LRBA: variants seen among roughly 807,000 people sequenced by gnomAD.
LRBA encodes the protein lipopolysaccharide-responsive and beige-like anchor protein.
Under a neutral mutation model 330.0 loss-of-function variants are expected in LRBA, and 176 were observed. That is an observed-to-expected ratio of 0.53 (90% CI 0.47 to 0.60). LRBA has a LOEUF of 0.60. LRBA is among the 20% of genes least tolerant of loss of function. The probability of loss-of-function intolerance (pLI) is 0.00; values close to 1 mark genes in which losing one functional copy is unlikely to be tolerated. For synonymous variants in LRBA, 1,230 were observed against 1,193.0 expected, an observed-to-expected ratio of 1.03 and a Z score of -0.64; for missense variants, 3,259 against 3,444.8, an observed-to-expected ratio of 0.95 and a Z score of 1.35.
At chr4:150,393,100 C>G (rs961349516) in intron 47 of LRBA, among the ~76,000 whole-genome samples, 1 of 152,102 alleles carries the variant, frequency 6.6e-6, no homozygotes, top group Non-Finnish European at 1.5e-5. Flanking sequence ...TCTTAAGTAT[C>G]CTCATTCTCT....
intron 2 of LRBA, among the ~76,000 whole-genome samples, chr4:150,970,386 G>A (rs1739394819): frequency 6.6e-6 from 1 of 151,670 alleles, no homozygotes; most frequent in Middle Eastern, 3.2e-3. Flanking sequence ...TGTAGTCCCA[G>A]CTACTTGGGA....
intron 30 of LRBA, among the ~76,000 whole-genome samples, chr4:150,822,127 C>A (rs1373329497): frequency 6.6e-6 from 1 of 152,044 alleles, no homozygotes; most frequent in Non-Finnish European, 1.5e-5. Flanking sequence ...AGTTTCCTTG[C>A]CATCAGAGAC....
intron 48 of LRBA, among the ~76,000 whole-genome samples, chr4:150,340,038 GGCATCCTCCTTC>G (rs1735300515): frequency 6.6e-6 from 1 of 151,780 alleles, no homozygotes; most frequent in African/African-American, 2.4e-5. Flanking sequence ...TTTTATAACG[GGCATCCTCCTTC>G]GCTCAGCTCT....
At chr4:150,541,856 A>AT (rs1174703524) in intron 40 of LRBA, among the ~76,000 whole-genome samples, 118 of 151,296 alleles carry the variant, frequency 7.8e-4, no homozygotes, top group Admixed American at 5.1e-3. Context: ...TTTAAAAAAA[A>AT]TTTTTTTTTG....
chr4:150,963,220 C>T (rs1293705985), intron 2 of LRBA, among the ~76,000 whole-genome samples: 2 of 148,720 alleles, frequency 1.3e-5, no homozygotes, highest in East Asian at 3.9e-4. Flanking sequence ...TTTGCACGGT[C>T]TCCCTCTGAT....
At chr4:150,864,644 C>CTT (rs34280757) in intron 22 of LRBA, among the ~76,000 whole-genome samples, 6,069 of 118,352 alleles carry the variant, frequency 0.051, 818 homozygotes, top group African/African-American at 0.17. Context: ...GGCCCACGTT[C>CTT]TTTTTTTTTT....
chr4:150,829,209 T>C (rs541249428), intron 29 of LRBA, among the ~76,000 whole-genome samples: 6 of 152,262 alleles, frequency 3.9e-5, no homozygotes, highest in East Asian at 1.9e-4. Context: ...GTGCTAGGAT[T>C]ATAGGCATGC....
At chr4:150,511,297 C>T (rs1171251513) in intron 40 of LRBA, among the ~76,000 whole-genome samples, 1 of 152,186 alleles carries the variant, frequency 6.6e-6, no homozygotes, top group Non-Finnish European at 1.5e-5. Context: ...ATGCTAAATA[C>T]TACATCTCAC....
chr4:150,310,649 T>A (rs1730940044), intron 51 of LRBA: 1 of 311,348 alleles, frequency 3.2e-6, no homozygotes, highest in Non-Finnish European at 5.9e-6. Context: ...TCACAGAACA[T>A]GCTTTCTAGC....
chr4:150,541,233 A>C lies in LRBA; in HGVS notation c.6330+46815T>G, dbSNP rs565750823. On this transcript the variant is annotated intron_variant, in intron 40 of 56. Transcript: ENST00000651943. ...AGGGAAAGGAGAAGGATAAAGACCA[A>C]AGAGCATGACTGAGCTGAGTCAGCT... Among the ~76,000 whole-genome samples, 5 of 152,300 alleles carry C rather than the reference A, an allele frequency of 3.3e-5. No homozygotes were observed. The South Asian group carries it at 6.2e-4, about 19-fold the overall frequency.
chr4:150,551,649 C>A (rs752985648), intron 40 of LRBA, among the ~76,000 whole-genome samples: 1 of 151,236 alleles, frequency 6.6e-6, no homozygotes, highest in Non-Finnish European at 1.5e-5. Flanking sequence ...GCCTGGGTGA[C>A]AGAGCAAGAC....
intron 40 of LRBA, among the ~76,000 whole-genome samples, chr4:150,543,033 C>T (rs1239586856): frequency 1.3e-5 from 2 of 152,018 alleles, no homozygotes; most frequent in Non-Finnish European, 2.9e-5. Context: ...TTCACCAGTC[C>T]CCCACAAAAA....
At chr4:150,469,133 T>C (rs1755798901) in intron 43 of LRBA, among the ~76,000 whole-genome samples, 1 of 152,098 alleles carries the variant, frequency 6.6e-6, no homozygotes, top group Non-Finnish European at 1.5e-5. Context: ...TCAGAAATAA[T>C]TTTTTATTGT....
intron 37 of LRBA, among the ~76,000 whole-genome samples, chr4:150,661,276 G>A (rs1405904771): frequency 6.6e-6 from 1 of 151,344 alleles, no homozygotes; most frequent in Non-Finnish European, 1.5e-5. Flanking sequence ...TTCATGACCA[G>A]CCCGGGCAAC....
chr4:150,935,881 A>G lies in LRBA; in HGVS notation c.217-6816T>C, dbSNP rs114222679. 4.1e-3 allele frequency among the ~76,000 whole-genome samples: 621 copies of G among 152,136 alleles called. 6 individuals carry two copies. The highest frequency in any genetic ancestry group is 0.014 in the African/African-American group (594 of 41,566). On this transcript the variant is annotated intron_variant, in intron 2 of 56. Coordinates refer to ENST00000651943, the MANE Select transcript of LRBA (RefSeq NM_001364905.1). ...CTTATCTTACAAAATATGCCAAAAT[A>G]AATTCTAGATAACTTAAAATATCAA...
At chr4:150,537,971 A>C (rs2152216558) in intron 40 of LRBA, among the ~76,000 whole-genome samples, 1 of 152,240 alleles carries the variant, frequency 6.6e-6, no homozygotes, top group South Asian at 2.1e-4. Context: ...AAAAGCGAAC[A>C]AAAGACATTG....
chr4:150,581,278 G>A, intron 40 of LRBA: 1 of 428,420 alleles, frequency 2.3e-6, no homozygotes, highest in Non-Finnish European at 4.6e-6. Flanking sequence ...TTTTTAAACA[G>A]CATATCGAAA....
intron 37 of LRBA, among the ~76,000 whole-genome samples, chr4:150,634,376 A>T (rs2126682287): frequency 6.6e-6 from 1 of 152,258 alleles, no homozygotes; most frequent in East Asian, 1.9e-4. Context: ...TTATTATGGG[A>T]GCTCTGAGGC....
intron 20 of LRBA, 108 bp from the exon 21 acceptor site, chr4:150,868,413 C>T: frequency 1.7e-6 from 1 of 580,362 alleles, no homozygotes; most frequent in Non-Finnish European, 2.8e-6. Flanking sequence ...CAAATGTCTA[C>T]CAAAAACATC....
Sources: gnomAD v4.1 joint callset for allele counts (sites outside exome capture counted in the v4.1 genomes callset) on GRCh38, gnomAD v4.1.1 for gene constraint, MANE v1.5 for transcripts, NCBI Gene and HGNC (gene_info 2026-07-23, HGNC 2026-07-21) for gene names.